The following PSTPIP1 variants were observed in gnomAD, a reference collection of about 807,000 sequenced individuals.
The protein encoded by PSTPIP1 is proline-serine-threonine phosphatase-interacting protein 1.
A neutral mutation model predicts 69.6 loss-of-function variants in PSTPIP1; 66 were observed. The ratio of observed to expected loss-of-function variants is 0.95; its 90% CI spans 0.78 to 1.16. The LOEUF (loss-of-function observed/expected upper bound fraction) is 1.16. PSTPIP1 is among the 50% of genes most tolerant of loss of function. The pLI is 0.00. For missense variants in PSTPIP1, 603 were observed against 557.4 expected (o/e 1.08, Z -0.82); for synonymous variants, 266 against 222.7 (o/e 1.19, Z -1.73).
At chr15:77,029,146 C>T (rs1196767665) in intron 7 of PSTPIP1, among the ~76,000 whole-genome samples, 1 of 152,216 alleles carries the variant, frequency 6.6e-6, no homozygotes, top group Non-Finnish European at 1.5e-5. Context: ...CCAGGAAACA[C>T]ATCACTCATT....
chr15:77,021,084 C>T (rs1240207527), intron 3 of PSTPIP1, among the ~76,000 whole-genome samples: 2 of 152,150 alleles, frequency 1.3e-5, no homozygotes, highest in East Asian at 3.9e-4. Flanking sequence ...GAACAGGGTG[C>T]AGAACGAGGA....
intron 4 of PSTPIP1, 26 bp downstream of exon 4, chr15:77,025,344 G>A (rs761134192): frequency 1.3e-6 from 2 of 1,597,430 alleles, no homozygotes; most frequent in Non-Finnish European, 1.7e-6. Context: ...TGGGGCAATG[G>A]GATCTTTTGG....
rs1395091328 is a variant in PSTPIP1, at chr15:77,027,185, C to A, written c.355-667C>A. Among the ~76,000 whole-genome samples, 1 of 152,236 alleles carries A rather than the reference C, an allele frequency of 6.6e-6. No homozygotes were observed. Among genetic ancestry groups the A allele is most frequent in the East Asian group, 1.9e-4 (1 of 5,200 alleles). On this transcript the variant is annotated intron_variant, in intron 5 of 14. Transcript: ENST00000558012. The surrounding 1 kb of genome is among the most constrained non-coding windows in gnomAD (Gnocchi z 4.3). ...GGCACAGAACCCCTCCCCTGAGACC[C>A]CAGGCACAAACTGGCTCAGTTCTCC...
chr15:77,000,787 C>G (rs990641246), intron 1 of PSTPIP1, among the ~76,000 whole-genome samples: 5 of 152,218 alleles, frequency 3.3e-5, no homozygotes, highest in African/African-American at 1.2e-4. Flanking sequence ...AGCAATCCTC[C>G]TGCCTTGGCT....
In PSTPIP1 at chr15:76,995,543, G is replaced by A; in HGVS notation, c.-31G>A. 1 of 1,613,818 alleles carries A rather than the reference G, an allele frequency of 6.2e-7. No individual in the cohort carries two copies. Among genetic ancestry groups the A allele is most frequent in the Non-Finnish European group, 8.5e-7 (1 of 1,179,880 alleles). ...TCCATCAGGCCAGCCTGTGGCAGGA[G>A]AGTGAGCTTTGCCGCGGCAGACGCC... On this transcript the variant is annotated 5_prime_UTR_variant, in exon 1 of 15. Transcript: ENST00000558012.
At position 77,027,600 on chromosome 15, in the gene PSTPIP1, C is replaced by G; in HGVS notation, c.355-252C>G. The G allele has an allele frequency of 1.9e-6, 1 of 521,154 alleles. No individual in the cohort carries two copies. The highest frequency in any genetic ancestry group is 1.8e-5 in the South Asian group (1 of 54,770). 32.3% of individuals were successfully genotyped at this position (521,154 alleles called of 1,614,324 possible). ...GTGTGTTGGGGTGGGAACTCCCCAG[C>G]TGGAGACGAAGCTCTGGCCAAGGTC... is the stretch of plus-strand genomic sequence containing the variant. On this transcript the variant is annotated intron_variant, in intron 5 of 14. Transcript: ENST00000558012. This position sits in a 1 kb window ranked among gnomAD's most constrained non-coding sequence, Gnocchi z 4.3.
At chr15:77,013,424 C>CA (rs1236902139) in intron 1 of PSTPIP1, among the ~76,000 whole-genome samples, 2 of 152,144 alleles carry the variant, frequency 1.3e-5, no homozygotes, top group Non-Finnish European at 2.9e-5. Flanking sequence ...TGGTGGGGCA[C>CA]AGGCCGTGAC....
chr15:77,012,588 T>C (rs1175149129), intron 1 of PSTPIP1, among the ~76,000 whole-genome samples: 1 of 152,194 alleles, frequency 6.6e-6, no homozygotes, highest in Non-Finnish European at 1.5e-5. Flanking sequence ...CCTGCCTCAC[T>C]TTGCCAACCA....
chr15:77,024,709 T>G (rs1369314918), intron 3 of PSTPIP1, among the ~76,000 whole-genome samples: 3 of 148,660 alleles, frequency 2.0e-5, no homozygotes, highest in Non-Finnish European at 4.5e-5. Flanking sequence ...CTGCCTCCTA[T>G]GCGCAGTGCT....
intron 14 of PSTPIP1, 82 bp from the exon 15 acceptor site, chr15:77,036,963 G>C (rs953903925): frequency 1.9e-6 from 3 of 1,547,944 alleles, no homozygotes; most frequent in African/African-American, 2.7e-5. Context: ...TTTACTGCTG[G>C]GTGGGGGAAC....
At chr15:77,000,474 T>C (rs796716295) in intron 1 of PSTPIP1, among the ~76,000 whole-genome samples, 8,865 of 145,120 alleles carry the variant, frequency 0.061, 325 homozygotes, top group Middle Eastern at 0.097. Context: ...TATATATATA[T>C]ATACACACAC....
chr15:77,030,678 G>A (rs1596121311), intron 9 of PSTPIP1, 97 bp downstream of exon 9: 3 of 1,212,898 alleles, frequency 2.5e-6, no homozygotes, highest in South Asian at 3.3e-5. Flanking sequence ...TGAGGCAGTT[G>A]GGGAAGGTAC....
chr15:77,016,699 A>AG (rs545209789), intron 1 of PSTPIP1, among the ~76,000 whole-genome samples: 33 of 136,118 alleles, frequency 2.4e-4, no homozygotes, highest in African/African-American at 2.8e-5. Flanking sequence ...GTTTGTGGGG[A>AG]GGGGGGGCAC....
At chr15:77,015,959 C>T (rs559297012) in intron 1 of PSTPIP1, 49 of 456,150 alleles carry the variant, frequency 1.1e-4, no homozygotes, top group Non-Finnish European at 2.0e-4. Flanking sequence ...GCCTGCAGGG[C>T]CTCTCGCTGC....
chr15:77,016,818 C>T (rs1429925563), intron 1 of PSTPIP1, among the ~76,000 whole-genome samples: 1 of 152,200 alleles, frequency 6.6e-6, no homozygotes, highest in East Asian at 1.9e-4. Context: ...CTGCAGAGAG[C>T]TCTCCTGGAT....
intron 1 of PSTPIP1, chr15:77,015,753 G>C (rs992190887): frequency 1.1e-5 from 4 of 359,932 alleles, no homozygotes; most frequent in Admixed American, 3.4e-5. Flanking sequence ...GAGGGCGCGG[G>C]CTGGGGGAAG....
chr15:77,003,703 C>T (rs1173352043), intron 1 of PSTPIP1, among the ~76,000 whole-genome samples: 1 of 151,958 alleles, frequency 6.6e-6, no homozygotes, highest in African/African-American at 2.4e-5. Flanking sequence ...TGAAGCCTCA[C>T]CCAACCCTCA....
In PSTPIP1 at chr15:77,021,202, C is replaced by T. The variant is rs550722673; in HGVS notation, c.212+2671C>T. 2.0e-4 allele frequency among the ~76,000 whole-genome samples: 30 copies of T among 152,332 alleles called. 1 individual carries two copies. In the South Asian group the frequency reaches 5.0e-3, roughly 25 times the overall value. On this transcript the variant is annotated intron_variant, in intron 3 of 14. Transcript: ENST00000558012. ...TGCAGTCCCCTGACCTCAAACCAGC[C>T]GGGAGCCACCCTCAGGCCTGGAGGC...
At chr15:77,010,924 T>G (rs7175783) in intron 1 of PSTPIP1, among the ~76,000 whole-genome samples, 101,363 of 151,978 alleles carry the variant, frequency 0.67, 36,345 homozygotes, top group Middle Eastern at 0.85. Context: ...GGGATTTCAG[T>G]TGTGAGCCAC....
Sources: gnomAD v4.1 joint callset for allele counts (sites outside exome capture counted in the v4.1 genomes callset) on GRCh38, gnomAD v4.1.1 for gene constraint, Gnocchi (gnomAD v3.1) non-coding constraint, MANE v1.5 for transcripts, NCBI Gene and HGNC (gene_info 2026-07-23, HGNC 2026-07-21) for gene names.